The following ADPGK variants were observed in gnomAD, a reference collection of about 807,000 sequenced individuals.
The protein encoded by ADPGK is ADP dependent glucokinase.
Under a neutral mutation model 42.4 loss-of-function variants are expected in ADPGK, and 26 were observed. The observed-to-expected ratio is 0.61, with a 90% CI of 0.45 to 0.85. The LOEUF (loss-of-function observed/expected upper bound fraction) is 0.85. Ranked by LOEUF, ADPGK falls within the 40% of genes least tolerant of loss-of-function variation. The pLI is 0.00. For missense variants in ADPGK, 571 were observed against 627.0 expected, an observed-to-expected ratio of 0.91 and a Z score of 0.95; for synonymous variants, 267 against 252.6, an observed-to-expected ratio of 1.06 and a Z score of -0.54.
rs2066055068 is a variant in ADPGK, at chr15:72,752,327, C to T, written c.*14G>A. On this transcript the variant is annotated 3_prime_UTR_variant, in exon 7 of 7. Coordinates refer to ENST00000456471, the MANE Select transcript of ADPGK (RefSeq NM_001365225.1). ...AGTTCTCCTTCCTCAGAAAAATTAC[C>T]CCTAAGAATCTTCCTAATAGTGAGG... 2 of 1,584,838 alleles carry T rather than the reference C, an allele frequency of 1.3e-6. No homozygotes were observed. The highest frequency in any genetic ancestry group is 1.7e-6 in the Non-Finnish European group (2 of 1,162,650).
At chr15:72,762,640 T>G (rs1301374294) in intron 3 of ADPGK, among the ~76,000 whole-genome samples, 1 of 152,154 alleles carries the variant, frequency 6.6e-6, no homozygotes, top group Non-Finnish European at 1.5e-5. Context: ...ACAATGGTTT[T>G]CAAAACATTG....
intron 1 of ADPGK, among the ~76,000 whole-genome samples, chr15:72,781,360 A>G (rs895732244): frequency 6.6e-6 from 1 of 151,884 alleles, no homozygotes; most frequent in African/African-American, 2.4e-5. Context: ...TCTCTTTACA[A>G]CCCTCTACCA....
At chr15:72,759,695 T>C (rs1267373939) in intron 4 of ADPGK, among the ~76,000 whole-genome samples, 1 of 150,736 alleles carries the variant, frequency 6.6e-6, no homozygotes, top group Admixed American at 6.6e-5. Flanking sequence ...TAACAATGTG[T>C]TGAATCAGAA....
chr15:72,779,565 A>G (rs2066431902), intron 1 of ADPGK, among the ~76,000 whole-genome samples: 2 of 152,088 alleles, frequency 1.3e-5, no homozygotes, highest in African/African-American at 4.8e-5. Context: ...TTTTTAAACC[A>G]ATGAATAGGT....
intron 1 of ADPGK, among the ~76,000 whole-genome samples, chr15:72,780,770 T>A (rs569189614): frequency 2.6e-5 from 4 of 152,268 alleles, no homozygotes; most frequent in Non-Finnish European, 5.9e-5. Flanking sequence ...CAGAGTGAGA[T>A]GCTGTCTCAA....
chr15:72,760,993 G>A (rs1180294925), intron 3 of ADPGK, among the ~76,000 whole-genome samples: 2 of 152,002 alleles, frequency 1.3e-5, no homozygotes, highest in Non-Finnish European at 2.9e-5. Flanking sequence ...AAGAGAGAGA[G>A]ATCAATCTCT....
intron 3 of ADPGK, among the ~76,000 whole-genome samples, chr15:72,765,908 G>GT (rs1225117117): frequency 6.6e-6 from 1 of 152,200 alleles, no homozygotes; most frequent in African/African-American, 2.4e-5. Context: ...AAGATTTAGA[G>GT]TATTACATAC....
chr15:72,752,307 T>G lies in ADPGK; in HGVS notation c.*34A>C, dbSNP rs771427429. Reference sequence around the variant, plus strand: ...CTGTAATTCTTAAGTTGGCTAGTTCTCCTTCCTCAGAAAAATTACCCCTAA... The same window carrying G: ...CTGTAATTCTTAAGTTGGCTAGTTCGCCTTCCTCAGAAAAATTACCCCTAA... On this transcript the variant is annotated 3_prime_UTR_variant, in exon 7 of 7. Transcript: ENST00000456471. The G allele has an allele frequency of 3.2e-6, 5 of 1,564,666 alleles. No individual in the cohort carries two copies. Among genetic ancestry groups the G allele is most frequent in the Non-Finnish European group, 4.3e-6 (5 of 1,154,364 alleles).
At chr15:72,780,296 T>G (rs2066441607) in intron 1 of ADPGK, among the ~76,000 whole-genome samples, 1 of 152,074 alleles carries the variant, frequency 6.6e-6, no homozygotes, top group Non-Finnish European at 1.5e-5. Context: ...GAAGGAGCCG[T>G]GCCGAGTGAA....
rs183785301 is a variant in ADPGK at position 72,780,727 on chromosome 15, T to C, written c.233+2732A>G. Among the ~76,000 whole-genome samples the C allele has an allele frequency of 1.6e-4, 25 of 152,276 alleles. No individual in the cohort carries two copies. The East Asian group carries it at 3.5e-3, about 21-fold the overall frequency. Reference sequence around the variant, plus strand: ...TGACAGGTCAAGGCCACAGTGAGCTTGAACATGCCACTGCACACGCCAGCC... The same window carrying C: ...TGACAGGTCAAGGCCACAGTGAGCTCGAACATGCCACTGCACACGCCAGCC... On this transcript the variant is annotated intron_variant, in intron 1 of 6. Transcript: ENST00000456471.
At position 72,774,869 on chromosome 15, in the gene ADPGK, G is replaced by C. The variant is rs1007484613; in HGVS notation, c.459+3C>G. The stretch of plus-strand genomic sequence containing the variant: ...TAATTTACTATTGCTGAACCAAACA[G>C]ACCTGGGCTCCTGGGAACTCTGATG... On this transcript the variant is annotated splice_donor_region_variant and intron_variant, in intron 2 of 6. Transcript: ENST00000456471. The C allele has an allele frequency of 2.5e-6, 4 of 1,610,352 alleles. No individual in the cohort carries two copies. Among genetic ancestry groups the C allele is most frequent in the East Asian group, 2.2e-5 (1 of 44,766 alleles).
chr15:72,774,402 G>A (rs2066364731), intron 2 of ADPGK, among the ~76,000 whole-genome samples: 2 of 152,140 alleles, frequency 1.3e-5, no homozygotes, highest in Admixed American at 1.3e-4. Context: ...AAGAGCCATG[G>A]TTGGGTCTCC....
At chr15:72,760,347 A>T in intron 4 of ADPGK, 60 bp downstream of exon 4, 1 of 1,504,504 alleles carries the variant, frequency 6.6e-7, no homozygotes, top group South Asian at 1.4e-5. Flanking sequence ...GTCACACCCC[A>T]ATCTGACAAT....
chr15:72,765,730 G>A (rs988528081), intron 3 of ADPGK, among the ~76,000 whole-genome samples: 3 of 152,334 alleles, frequency 2.0e-5, no homozygotes, highest in African/African-American at 7.2e-5. Flanking sequence ...AAAACAGCCA[G>A]AGAACTAGAA....
chr15:72,756,608 T>A, intron 4 of ADPGK, 161 bp from the exon 5 acceptor site: 1 of 719,910 alleles, frequency 1.4e-6, no homozygotes, highest in Non-Finnish European at 2.2e-6. Flanking sequence ...AGCATGGCAC[T>A]GCAAGAAACA....
At chr15:72,768,871 G>A (rs137905538) in intron 3 of ADPGK, among the ~76,000 whole-genome samples, 21 of 151,892 alleles carry the variant, frequency 1.4e-4, no homozygotes, top group African/African-American at 4.1e-4. Context: ...TCAGGAACTC[G>A]GCTGAGGTGG....
At chr15:72,771,345 C>T (rs1664739955) in intron 3 of ADPGK, among the ~76,000 whole-genome samples, 1 of 152,180 alleles carries the variant, frequency 6.6e-6, no homozygotes, top group Non-Finnish European at 1.5e-5. Context: ...TCCCTCATGA[C>T]TTGTATAATC....
intron 4 of ADPGK, among the ~76,000 whole-genome samples, chr15:72,760,006 G>A (rs1373657486): frequency 6.6e-6 from 1 of 152,212 alleles, no homozygotes; most frequent in Non-Finnish European, 1.5e-5. Context: ...CAGCTTGGAA[G>A]AGTCAGTCAG....
intron 4 of ADPGK, 120 bp downstream of exon 4, chr15:72,760,287 T>C: frequency 7.6e-7 from 1 of 1,311,002 alleles, no homozygotes; most frequent in Non-Finnish European, 1.0e-6. Context: ...AAACTTTCAG[T>C]ATGGCAAAAA....
Sources: allele counts gnomAD v4.1 joint callset (sites outside exome capture counted in the v4.1 genomes callset), GRCh38; gene constraint gnomAD v4.1.1; transcripts MANE v1.5; gene names NCBI Gene and HGNC (gene_info 2026-07-23, HGNC 2026-07-21).